Variants in ELP1 observed in about 807,000 individuals in gnomAD.
ELP1 encodes elongator acetyltransferase complex subunit 1, also known as elongator complex protein 1.
In ELP1, 131 loss-of-function variants were observed where a neutral mutation model predicts 183.2. The ratio of observed to expected loss-of-function variants is 0.72; its 90% CI spans 0.62 to 0.83. ELP1 has a LOEUF of 0.83. Ranked by LOEUF, ELP1 falls within the 40% of genes least tolerant of loss-of-function variation. The pLI is 0.00. For synonymous variants in ELP1, 555 were observed against 569.0 expected (o/e 0.98, Z 0.35); for missense variants, 1,550 against 1,594.9 (o/e 0.97, Z 0.48).
At chr9:108,912,122 T>C in intron 11 of ELP1, 142 bp downstream of exon 11, 1 of 724,920 alleles carries the variant, frequency 1.4e-6, no homozygotes, top group Non-Finnish European at 2.5e-6. Context: ...CCCCACCTTA[T>C]ATCCCATTCA....
At chr9:108,888,631 T>C (rs2131964929) in intron 29 of ELP1, among the ~76,000 whole-genome samples, 3 of 152,344 alleles carry the variant, frequency 2.0e-5, no homozygotes, top group Admixed American at 2.0e-4. Context: ...CAGGATCTAA[T>C]TATATAAAAT....
At position 108,906,428 on chromosome 9, in the gene ELP1, G is replaced by A; in HGVS notation, c.1518C>T (p.Leu506=). Residue 506 remains leucine, a synonymous_variant, in exon 14 of 37, where the codon CTC becomes CTT. Coordinates refer to ENST00000374647, the MANE Select transcript of ELP1 (RefSeq NM_003640.5). ...QDVNPLKLGL[L]TWIEEDVFLA... ...GGAAGACGTCTTCTTCAATCCAAGT[G>A]AGAAGGCCTAGTTTCAGCGGGTTTA... is the stretch of plus-strand genomic sequence containing the variant. The A allele has an allele frequency of 3.1e-6, 5 of 1,614,020 alleles. No individual in the cohort carries two copies. Among genetic ancestry groups the A allele is most frequent in the Non-Finnish European group, 4.2e-6 (5 of 1,179,910 alleles).
At chr9:108,896,868 G>A (rs1046775266) in intron 24 of ELP1, 85 bp downstream of exon 24, 6 of 1,264,828 alleles carry the variant, frequency 4.7e-6, no homozygotes, top group Non-Finnish European at 7.0e-6. Flanking sequence ...TCTGTGGTGT[G>A]GCAATGACAT....
rs757724815 is a variant in ELP1, at chr9:108,931,164, G to A, written c.-18C>T. 4 of 1,612,322 alleles carry A rather than the reference G, an allele frequency of 2.5e-6. No individual in the cohort carries two copies. The highest frequency in any genetic ancestry group is 1.1e-5 in the South Asian group (1 of 91,030). On this transcript the variant is annotated 5_prime_UTR_variant, in exon 2 of 37. Coordinates refer to ENST00000374647, the MANE Select transcript of ELP1 (RefSeq NM_003640.5). ...TTTCGCATGATGAAGTGATTCCCAC[G>A]AGACAAGTACAACTATCCCTTGATG... is the stretch of plus-strand genomic sequence containing the variant.
At position 108,911,055 on chromosome 9, in the gene ELP1, G is replaced by A. The variant is rs372117651; in HGVS notation, c.1315C>T (p.Leu439Phe). ...FLAHPQKSND[L>F]AVLDASNQIS... ...TGGTTACTGGCATCTAGAACAGCAA[G>A]GTCATTACTCTTTTGAGGGTGTGCT... The change falls in exon 12 of 37, where the codon CTT (leucine) becomes TTT (phenylalanine). Residue 439 changes from leucine (L) to phenylalanine (F), a missense_variant. By Grantham distance (22) the Leu-to-Phe change is conservative (BLOSUM62 0). Coordinates refer to ENST00000374647, the MANE Select transcript of ELP1 (RefSeq NM_003640.5). 3.1e-6 allele frequency: 5 copies of A among 1,614,000 alleles called. No individual in the cohort carries two copies. In the African/African-American group the frequency reaches 6.7e-5, roughly 22 times the overall value.
At chr9:108,904,177 G>A (rs927134016) in intron 14 of ELP1, among the ~76,000 whole-genome samples, 2 of 151,976 alleles carry the variant, frequency 1.3e-5, no homozygotes, top group African/African-American at 4.8e-5. Flanking sequence ...TCACTAATGA[G>A]ATGAAGGGAA....
intron 5 of ELP1, among the ~76,000 whole-genome samples, chr9:108,923,591 G>A (rs1829733289): frequency 6.6e-6 from 1 of 152,148 alleles, no homozygotes; most frequent in South Asian, 2.1e-4. Context: ...ACCCCAAGAT[G>A]AGAACTGGGA....
In ELP1 at chr9:108,879,448, T is replaced by C. The variant is rs747272918; in HGVS notation, c.3570A>G (p.Ser1190=). The part of the protein sequence containing the change: ...GKYSHSNSRI[S]ARSSKNRRKA... ...TGCTGAATCAATGTGATACGTACGC[T>C]GATATCCTGGAGTTACTATGGGAGT... is the stretch of plus-strand genomic sequence containing the variant. Residue 1190 remains serine, a splice_region_variant and synonymous_variant, in exon 33 of 37, where the codon TCA becomes TCG. Transcript: ENST00000374647. The C allele has an allele frequency of 4.4e-6, 7 of 1,604,862 alleles. No homozygotes were observed. In the South Asian group the frequency reaches 7.7e-5, roughly 18 times the overall value.
chr9:108,879,638 CTA>C (rs1564072194), intron 32 of ELP1, 81 bp from the exon 33 acceptor site: 3 of 827,258 alleles, frequency 3.6e-6, no homozygotes, highest in Non-Finnish European at 4.1e-6. Context: ...AATGAACTAA[CTA>C]GAGTCAACTG....
rs112178985 is a variant in ELP1, at chr9:108,889,349, A to G, written c.3205T>C (p.Leu1069=). 3 of 1,614,048 alleles carry G rather than the reference A, an allele frequency of 1.9e-6. No individual in the cohort carries two copies. Among genetic ancestry groups the G allele is most frequent in the Admixed American group, 1.7e-5 (1 of 60,012 alleles). ...GAGTTTACCTGGGCACACTCTTCCA[A>G]AACCATGGCCGCATCAATGTGCTTC... ...QRKHIDAAMV[L]EECAQDYEEA... The change falls in exon 29 of 37, where the codon TTG becomes CTG. Residue 1069 remains leucine, a synonymous_variant. Coordinates refer to ENST00000374647, the MANE Select transcript of ELP1 (RefSeq NM_003640.5).
chr9:108,901,859 AATCC>A (rs1422292691), intron 16 of ELP1, among the ~76,000 whole-genome samples, 178 bp from the exon 17 acceptor site: 1 of 152,142 alleles, frequency 6.6e-6, no homozygotes, highest in Non-Finnish European at 1.5e-5. Flanking sequence ...GAAGCCATCC[AATCC>A]ATCAGTGAGC....
chr9:108,874,132 A>G (rs547165732), intron 36 of ELP1, among the ~76,000 whole-genome samples: 2 of 152,324 alleles, frequency 1.3e-5, no homozygotes, highest in South Asian at 4.1e-4. Flanking sequence ...AAAAAATTTC[A>G]GAAAGTTGCT....
intron 27 of ELP1, among the ~76,000 whole-genome samples, chr9:108,892,694 T>C (rs1334531047): frequency 2.6e-5 from 4 of 151,966 alleles, no homozygotes; most frequent in Admixed American, 2.0e-4. Context: ...CTGAAATATA[T>C]GGGAAAGATC....
At chr9:108,891,794 G>A (rs2131970955) in intron 27 of ELP1, among the ~76,000 whole-genome samples, 1 of 152,296 alleles carries the variant, frequency 6.6e-6, no homozygotes, top group South Asian at 2.1e-4. Context: ...AGGGACAGAG[G>A]ACAGTCTCCT....
intron 36 of ELP1, among the ~76,000 whole-genome samples, chr9:108,869,935 G>A (rs180929955): frequency 3.9e-5 from 6 of 152,234 alleles, no homozygotes; most frequent in Admixed American, 6.5e-5. Context: ...GTAGGGTTAT[G>A]GGTGCGGACC....
chr9:108,919,571 A>C (rs990942475), intron 6 of ELP1, among the ~76,000 whole-genome samples: 4 of 146,842 alleles, frequency 2.7e-5, no homozygotes, highest in African/African-American at 7.4e-5. Flanking sequence ...TTCGGCATTA[A>C]AAAAAAAAAA....
intron 26 of ELP1, 63 bp downstream of exon 26, chr9:108,893,880 A>G (rs370734191): frequency 5.1e-6 from 8 of 1,561,374 alleles, no homozygotes; most frequent in Middle Eastern, 1.7e-4. Flanking sequence ...AGTTTAATTT[A>G]TACCTTGCCT....
intron 1 of ELP1, 80 bp from the exon 2 acceptor site, chr9:108,931,281 G>T: frequency 1.1e-6 from 1 of 943,740 alleles, no homozygotes; most frequent in Non-Finnish European, 1.7e-6. Context: ...TGAAGAAGTG[G>T]TAGTCAGAAT....
chr9:108,902,375 A>C (rs548191201), intron 16 of ELP1, among the ~76,000 whole-genome samples: 23 of 152,132 alleles, frequency 1.5e-4, no homozygotes, highest in Non-Finnish European at 3.1e-4. Flanking sequence ...TCACACTCCC[A>C]ACAAAGGGAA....
Sources: gnomAD v4.1 joint callset for allele counts (sites outside exome capture counted in the v4.1 genomes callset) on GRCh38, gnomAD v4.1.1 for gene constraint, MANE v1.5 for transcripts, NCBI Gene and HGNC (gene_info 2026-07-23, HGNC 2026-07-21) for gene names.